Variants in NKAIN3 observed in about 807,000 individuals in gnomAD.
NKAIN3 encodes the protein sodium/potassium-transporting ATPase subunit beta-1-interacting protein 3.
NKAIN3 carries 25 observed loss-of-function variants against 30.2 expected under a neutral mutation model. The ratio of observed to expected loss-of-function variants is 0.83; its 90% CI spans 0.60 to 1.16. The LOEUF (loss-of-function observed/expected upper bound fraction) is 1.16, where lower values mean the gene tolerates loss of function less well. Ranked by LOEUF, NKAIN3 falls within the 50% of genes most tolerant of loss-of-function variation. The pLI is 0.00. For missense variants in NKAIN3, 225 were observed against 254.1 expected, an observed-to-expected ratio of 0.89 and a Z score of 0.78; for synonymous variants, 91 against 89.6, an observed-to-expected ratio of 1.02 and a Z score of -0.09.
At chr8:62,692,702 TCTGTCTCCATC>T (rs745711597) in intron 3 of NKAIN3, among the ~76,000 whole-genome samples, 2 of 152,238 alleles carry the variant, frequency 1.3e-5, no homozygotes, top group Non-Finnish European at 2.9e-5. Flanking sequence ...GTTTTAGTTC[TCTGTCTCCATC>T]CTCTGTTAAT....
At chr8:62,746,134 A>G (rs765314990) in intron 3 of NKAIN3, among the ~76,000 whole-genome samples, 1 of 152,184 alleles carries the variant, frequency 6.6e-6, no homozygotes, top group African/African-American at 2.4e-5. Flanking sequence ...ACTCTCTCTG[A>G]AGCTTTAGAG....
At chr8:62,612,993 G>A (rs1255306663) in intron 3 of NKAIN3, among the ~76,000 whole-genome samples, 1 of 151,746 alleles carries the variant, frequency 6.6e-6, no homozygotes, top group Non-Finnish European at 1.5e-5. Flanking sequence ...AAGTTGTTGT[G>A]GTTATTATTT....
chr8:62,723,174 A>G (rs1400248233), intron 3 of NKAIN3, among the ~76,000 whole-genome samples: 1 of 152,168 alleles, frequency 6.6e-6, no homozygotes, highest in Non-Finnish European at 1.5e-5. Context: ...AATAACTAAA[A>G]TAATTATATG....
intron 3 of NKAIN3, among the ~76,000 whole-genome samples, chr8:62,625,775 C>A (rs1375258578): frequency 1.3e-5 from 2 of 152,014 alleles, no homozygotes; most frequent in African/African-American, 4.8e-5. Flanking sequence ...GCCATTTTCT[C>A]TTCCTTTTTC....
intron 4 of NKAIN3, among the ~76,000 whole-genome samples, chr8:62,819,372 T>C (rs1818785118): frequency 6.6e-6 from 1 of 151,888 alleles, no homozygotes; most frequent in African/African-American, 2.4e-5. Context: ...TATGGGTGAA[T>C]GGAAATTCAT....
chr8:62,970,356 T>C lies in NKAIN3; in HGVS notation c.*4949T>C, dbSNP rs1426036374. Among the ~76,000 whole-genome samples, 2 of 152,196 alleles carry C rather than the reference T, an allele frequency of 1.3e-5. No individual in the cohort carries two copies. The highest frequency in any genetic ancestry group is 1.3e-4 in the Admixed American group (2 of 15,282). ...CATCTCTTTTTCATCTGAAAAAGCT[T>C]AGTTTCTTATTGAAGACTAAAAAGA... On this transcript the variant is annotated 3_prime_UTR_variant, in exon 7 of 7. Transcript: ENST00000623646.
intron 1 of NKAIN3, among the ~76,000 whole-genome samples, chr8:62,509,725 A>G (rs1436106368): frequency 6.6e-6 from 1 of 152,070 alleles, no homozygotes; most frequent in Non-Finnish European, 1.5e-5. Context: ...TTTCTTTCTT[A>G]TCGTAACTCT....
intron 3 of NKAIN3, among the ~76,000 whole-genome samples, chr8:62,621,796 AT>A (rs1026436939): frequency 6.6e-6 from 1 of 151,696 alleles, no homozygotes. Context: ...AATCCTGAAG[AT>A]TTTCTCCTAC....
At chr8:62,801,714 C>T (rs932688776) in intron 4 of NKAIN3, among the ~76,000 whole-genome samples, 5 of 152,324 alleles carry the variant, frequency 3.3e-5, no homozygotes, top group Middle Eastern at 6.8e-3. Flanking sequence ...CAGAGCGCCT[C>T]TCCTCCTCCA....
chr8:62,359,131 G>A (rs925929647), intron 1 of NKAIN3, among the ~76,000 whole-genome samples: 34 of 152,252 alleles, frequency 2.2e-4, no homozygotes, highest in Middle Eastern at 3.4e-3. Context: ...TGCAGTGAGC[G>A]GAGATGTGCC....
chr8:62,890,747 T>C (rs1308555411), intron 4 of NKAIN3, among the ~76,000 whole-genome samples: 2 of 152,212 alleles, frequency 1.3e-5, no homozygotes, highest in African/African-American at 2.4e-5. Flanking sequence ...AGGTACCCTC[T>C]CTGCAGGCTT....
intron 1 of NKAIN3, among the ~76,000 whole-genome samples, chr8:62,352,630 C>T (rs1816219557): frequency 6.6e-6 from 1 of 152,178 alleles, no homozygotes; most frequent in South Asian, 2.1e-4. Context: ...GGCATTTGAT[C>T]TACATCTTGG....
chr8:62,792,391 A>G (rs1161121372), intron 4 of NKAIN3, among the ~76,000 whole-genome samples: 1 of 152,178 alleles, frequency 6.6e-6, no homozygotes, highest in African/African-American at 2.4e-5. Flanking sequence ...TAGCAGATTT[A>G]TTTAACCTAT....
At chr8:62,602,700 C>T (rs570904062) in intron 3 of NKAIN3, among the ~76,000 whole-genome samples, 2 of 152,196 alleles carry the variant, frequency 1.3e-5, no homozygotes, top group South Asian at 2.1e-4. Context: ...TCTTACATAA[C>T]CAGTCTTAAG....
chr8:62,544,750 G>T (rs1322799216), intron 1 of NKAIN3, among the ~76,000 whole-genome samples: 1 of 152,042 alleles, frequency 6.6e-6, no homozygotes, highest in African/African-American at 2.4e-5. Context: ...ATGGGGCACT[G>T]ATTCCCCTTG....
intron 1 of NKAIN3, among the ~76,000 whole-genome samples, chr8:62,468,933 A>G (rs1402359460): frequency 2.6e-5 from 4 of 152,146 alleles, no homozygotes; most frequent in Non-Finnish European, 5.9e-5. Context: ...GTAGACATCT[A>G]CTAGGTTGGA....
intron 3 of NKAIN3, among the ~76,000 whole-genome samples, chr8:62,658,783 G>A (rs1456815475): frequency 4.6e-5 from 7 of 152,148 alleles, no homozygotes; most frequent in South Asian, 2.1e-4. Context: ...AGAAAGTAAA[G>A]TATTACTCCT....
At chr8:62,357,506 G>A (rs951320908) in intron 1 of NKAIN3, among the ~76,000 whole-genome samples, 2 of 152,142 alleles carry the variant, frequency 1.3e-5, no homozygotes, top group African/African-American at 4.8e-5. Flanking sequence ...TATTTGCATA[G>A]TAAGGCCTTA....
At chr8:62,686,366 C>A (rs1158166375) in intron 3 of NKAIN3, among the ~76,000 whole-genome samples, 4 of 152,120 alleles carry the variant, frequency 2.6e-5, no homozygotes, top group Non-Finnish European at 5.9e-5. Flanking sequence ...TATCTTTCAC[C>A]CATTTTCCCA....
Sources: allele counts gnomAD v4.1 joint callset (sites outside exome capture counted in the v4.1 genomes callset), GRCh38; gene constraint gnomAD v4.1.1; transcripts MANE v1.5; gene names NCBI Gene and HGNC (gene_info 2026-07-23, HGNC 2026-07-21).